SIGLECL1: variants seen among roughly 807,000 people sequenced by gnomAD.
SIGLECL1 encodes the protein SIGLEC family like 1.
A neutral mutation model predicts 19.1 loss-of-function variants in SIGLECL1; 16 were observed. The ratio of observed to expected loss-of-function variants is 0.84; its 90% CI spans 0.57 to 1.27. The LOEUF is 1.27. Among genes scored for constraint, SIGLECL1 ranks in the 50% most tolerant of loss-of-function variants. The pLI, the probability that SIGLECL1 is intolerant of heterozygous loss-of-function variation, is 0.00. For missense variants in SIGLECL1, 210 were observed against 239.4 expected, an observed-to-expected ratio of 0.88 and a Z score of 0.81; for synonymous variants, 89 against 90.4, an observed-to-expected ratio of 0.98 and a Z score of 0.09.
chr19:51,258,416 C>T lies in SIGLECL1; in HGVS notation c.-190-5467C>T, dbSNP rs115933891. ...GTCACCTGTGCGTATAGAAATGCAG[C>T]TGTTCTGCAAACAGTTACAGGAGGT... On this transcript the variant is annotated intron_variant, in intron 1 of 5. Coordinates refer to ENST00000601727, the MANE Select transcript of SIGLECL1 (RefSeq NM_001385465.1). Among the ~76,000 whole-genome samples the T allele has an allele frequency of 2.3e-3, 355 of 152,320 alleles. 1 individual carries two copies. Among genetic ancestry groups the T allele is most frequent in the African/African-American group, 8.1e-3 (338 of 41,566 alleles).
At chr19:51,255,217 G>A (rs1223861142) in intron 1 of SIGLECL1, among the ~76,000 whole-genome samples, 1 of 150,260 alleles carries the variant, frequency 6.7e-6, no homozygotes, top group East Asian at 2.0e-4. Flanking sequence ...CCAAGATCAT[G>A]CCACTGCACT....
Position 51,267,542 on chromosome 19 carries a change from T to C in SIGLECL1, c.567+13T>C, listed in dbSNP as rs1983772765. ...GAGCCGGATATTGGTATGTACCTAT[T>C]GTGTCTGGAATCTAGTCTATCGGAA... On this transcript the variant is annotated intron_variant, in intron 5 of 5. Coordinates refer to ENST00000601727, the MANE Select transcript of SIGLECL1 (RefSeq NM_001385465.1). The C allele has an allele frequency of 4.3e-6, 7 of 1,613,454 alleles. No individual in the cohort carries two copies. In the East Asian group the frequency reaches 1.3e-4, roughly 31 times the overall value.
At chr19:51,247,808 C>A (rs1982315816), upstream of SIGLECL1, among the ~76,000 whole-genome samples, 1 of 152,208 alleles carries the variant, frequency 6.6e-6, no homozygotes, top group Non-Finnish European at 1.5e-5. Context: ...GGAGAGATAG[C>A]CCCTAGTGTC....
chr19:51,266,512 T>C (rs1417886484), intron 4 of SIGLECL1, among the ~76,000 whole-genome samples: 1 of 126,016 alleles, frequency 7.9e-6, no homozygotes, highest in Non-Finnish European at 1.7e-5. Flanking sequence ...TATTCCAAAA[T>C]CTAAAAAAAA....
At chr19:51,255,955 A>G (rs1016857294) in intron 1 of SIGLECL1, 7 of 152,320 alleles carry the variant, frequency 4.6e-5, no homozygotes, top group Admixed American at 2.0e-4. Context: ...ACAGAAATGA[A>G]CTCAGTATCT....
chr19:51,258,416 C>G (rs115933891), intron 1 of SIGLECL1, among the ~76,000 whole-genome samples: 6 of 152,320 alleles, frequency 3.9e-5, no homozygotes, highest in Admixed American at 2.0e-4. Context: ...AGAAATGCAG[C>G]TGTTCTGCAA....
intron 4 of SIGLECL1, 63 bp from the exon 5 acceptor site, chr19:51,267,310 A>G: frequency 6.3e-7 from 1 of 1,577,962 alleles, no homozygotes; most frequent in Non-Finnish European, 8.6e-7. Flanking sequence ...TGGTCAAGAT[A>G]GAGCCCATTT....
chr19:51,261,726 G>A (rs1329935132), intron 1 of SIGLECL1, among the ~76,000 whole-genome samples: 1 of 152,032 alleles, frequency 6.6e-6, no homozygotes, highest in East Asian at 1.9e-4. Context: ...TTTATATTTA[G>A]TTAAATCACT....
chr19:51,265,297 G>C, intron 2 of SIGLECL1, 71 bp from the exon 3 acceptor site: 3 of 1,494,422 alleles, frequency 2.0e-6, no homozygotes, highest in Non-Finnish European at 2.7e-6. Context: ...TAAAGAGAAG[G>C]CTGCATGCTG....
rs979541589 is a variant in SIGLECL1, at chr19:51,268,985, G to A, written c.*388G>A. The A allele has an allele frequency of 3.3e-5, 6 of 183,162 alleles. No individual in the cohort carries two copies. Among genetic ancestry groups the A allele is most frequent in the African/African-American group, 1.2e-4 (5 of 41,970 alleles). The allele number at this position is 183,162 out of a possible 1,614,324, so 11.3% of individuals were successfully genotyped here. A position where few individuals can be genotyped will look rare whatever the true frequency, so the allele number is the denominator to read the frequency against. ...GTGCCTGAGATACACCTACAAGAGC[G>A]CCAGGCTTTCAAGCCTTCATATCTG... On this transcript the variant is annotated 3_prime_UTR_variant, in exon 6 of 6. Transcript: ENST00000601727.
Position 51,264,082 on chromosome 19 carries a change from C to T in SIGLECL1, c.10C>T (p.Leu4=), listed in dbSNP as rs2123440169. The T allele has an allele frequency of 6.2e-7, 1 of 1,614,076 alleles. No individual in the cohort carries two copies. Among genetic ancestry groups the T allele is most frequent in the South Asian group, 1.1e-5 (1 of 91,052 alleles). The change falls in exon 2 of 6, where the codon CTG becomes TTG. Residue 4 remains leucine, a synonymous_variant. Transcript: ENST00000601727. The part of the protein sequence containing the change: MLP[L]LQLVPAKLLN... ...GTTGCTGCTGGAAGTGATGCTTCCA[C>T]TGCTACAGCTGGGTAAGTAAGGTGA...
intron 4 of SIGLECL1, among the ~76,000 whole-genome samples, chr19:51,266,089 T>C (rs552918562): frequency 1.6e-4 from 25 of 152,126 alleles, no homozygotes; most frequent in Non-Finnish European, 1.5e-5. Context: ...ACAGACACTT[T>C]GAACACATTT....
chr19:51,267,481 G>A lies in SIGLECL1; in HGVS notation c.519G>A (p.Glu173=). ...AACTTGAGATGTCTCTGAAGCCTGA[G>A]GAACCAGGAAAACCCGTAGTCGCCA... ...SQELEMSLKP[E]EPGKPVVATF... The change falls in exon 5 of 6, where the codon GAG becomes GAA. Residue 173 remains glutamate, a synonymous_variant. Transcript: ENST00000601727. 1 of 1,614,222 alleles carries A rather than the reference G, an allele frequency of 6.2e-7. No individual in the cohort carries two copies. The highest frequency in any genetic ancestry group is 1.1e-5 in the South Asian group (1 of 91,088).
chr19:51,246,726 G>C (rs537653947), upstream of SIGLECL1, among the ~76,000 whole-genome samples: 6 of 152,186 alleles, frequency 3.9e-5, no homozygotes, highest in East Asian at 1.2e-3. Context: ...ACCCGTTTAG[G>C]ATTAAACAAG....
upstream of SIGLECL1, among the ~76,000 whole-genome samples, chr19:51,247,471 T>A (rs1050060710): frequency 6.6e-6 from 1 of 151,272 alleles, no homozygotes; most frequent in Non-Finnish European, 1.5e-5. Context: ...CAGGCTGGAG[T>A]GCACTGGTGT....
At chr19:51,260,489 A>G (rs1057348095) in intron 1 of SIGLECL1, among the ~76,000 whole-genome samples, 2 of 152,110 alleles carry the variant, frequency 1.3e-5, no homozygotes, top group Non-Finnish European at 1.5e-5. Context: ...GTTTACTGGC[A>G]TTTGGATTGT....
At chr19:51,257,419 A>AAAAAG (rs1287662073) in intron 1 of SIGLECL1, among the ~76,000 whole-genome samples, 3 of 151,148 alleles carry the variant, frequency 2.0e-5, no homozygotes, top group South Asian at 4.2e-4. Flanking sequence ...CAAAAAAAAA[A>AAAAAG]AAAAGAAAAG....
At chr19:51,255,133 G>A (rs1377699829) in intron 1 of SIGLECL1, among the ~76,000 whole-genome samples, 3 of 151,928 alleles carry the variant, frequency 2.0e-5, no homozygotes, top group African/African-American at 7.3e-5. Context: ...GGTGGAGCAC[G>A]CCTGTAATCC....
In SIGLECL1 at chr19:51,264,104, G is replaced by T. The variant is rs761207263; in HGVS notation, c.22+10G>T. 8.7e-6 allele frequency: 14 copies of T among 1,614,000 alleles called. No homozygotes were observed. The highest frequency in any genetic ancestry group is 4.5e-5 in the East Asian group (2 of 44,884). On this transcript the variant is annotated intron_variant, in intron 2 of 5. Coordinates refer to ENST00000601727, the MANE Select transcript of SIGLECL1 (RefSeq NM_001385465.1). Reference sequence around the variant, plus strand: ...CCACTGCTACAGCTGGGTAAGTAAGGTGAGAAGCAGCACTGGAGGTGTGTT... The same window carrying T: ...CCACTGCTACAGCTGGGTAAGTAAGTTGAGAAGCAGCACTGGAGGTGTGTT...
Sources: allele counts gnomAD v4.1 joint callset (sites outside exome capture counted in the v4.1 genomes callset), GRCh38; gene constraint gnomAD v4.1.1; transcripts MANE v1.5; gene names NCBI Gene and HGNC (gene_info 2026-07-23, HGNC 2026-07-21).